Variants in LUZP2 observed in about 807,000 individuals in gnomAD.
The protein encoded by LUZP2 is leucine zipper protein 2.
A neutral mutation model predicts 51.6 loss-of-function variants in LUZP2; 52 were observed. That is an observed-to-expected ratio of 1.01 (90% CI 0.81 to 1.27). LUZP2 has a LOEUF of 1.27. LUZP2 is among the 50% of genes most tolerant of loss of function. The pLI, the probability that LUZP2 is intolerant of heterozygous loss-of-function variation, is 0.00. For synonymous variants in LUZP2, 154 were observed against 137.3 expected, an observed-to-expected ratio of 1.12 and a Z score of -0.85; for missense variants, 436 against 395.4, an observed-to-expected ratio of 1.10 and a Z score of -0.87.
At chr11:24,970,248 T>A (rs1292978558) in intron 7 of LUZP2, among the ~76,000 whole-genome samples, 2 of 152,160 alleles carry the variant, frequency 1.3e-5, no homozygotes, top group African/African-American at 2.4e-5. Context: ...CAGTGCTTTT[T>A]TTCTGCTGTT....
chr11:24,942,848 A>G (rs898331705), intron 7 of LUZP2, among the ~76,000 whole-genome samples: 1 of 152,168 alleles, frequency 6.6e-6, no homozygotes, highest in East Asian at 1.9e-4. Context: ...TGTTTCATAT[A>G]TGTAGGCTAT....
intron 7 of LUZP2, among the ~76,000 whole-genome samples, chr11:24,944,811 G>A (rs1222666851): frequency 6.6e-6 from 1 of 152,160 alleles, no homozygotes; most frequent in Non-Finnish European, 1.5e-5. Flanking sequence ...TGTAGTCAGA[G>A]CTGAAAGACA....
chr11:24,521,714 G>C (rs1850649038), intron 1 of LUZP2, among the ~76,000 whole-genome samples: 1 of 152,076 alleles, frequency 6.6e-6, no homozygotes, highest in Non-Finnish European at 1.5e-5. Flanking sequence ...AGATCACAGT[G>C]AACGGGCAGC....
intron 1 of LUZP2, among the ~76,000 whole-genome samples, chr11:24,600,452 G>A (rs1035097579): frequency 6.6e-5 from 10 of 152,080 alleles, no homozygotes; most frequent in African/African-American, 2.4e-4. Context: ...TTATTATGAA[G>A]CAATAGGAAA....
intron 5 of LUZP2, among the ~76,000 whole-genome samples, chr11:24,859,675 G>A (rs1851676330): frequency 1.3e-5 from 2 of 152,220 alleles, no homozygotes; most frequent in Non-Finnish European, 2.9e-5. Context: ...TGGACTAGAA[G>A]GCTGGCATGA....
intron 1 of LUZP2, among the ~76,000 whole-genome samples, chr11:24,657,126 A>G (rs1223702075): frequency 6.6e-6 from 1 of 152,144 alleles, no homozygotes; most frequent in Non-Finnish European, 1.5e-5. Context: ...AGAAAAAAAC[A>G]AGAATAAAAG....
At chr11:24,792,271 A>G (rs1849429771) in intron 5 of LUZP2, among the ~76,000 whole-genome samples, 1 of 151,900 alleles carries the variant, frequency 6.6e-6, no homozygotes, top group Non-Finnish European at 1.5e-5. Flanking sequence ...ACTAAAATAC[A>G]AAAAAATTAG....
chr11:24,957,511 G>C (rs1017701787), intron 7 of LUZP2, among the ~76,000 whole-genome samples: 8 of 151,394 alleles, frequency 5.3e-5, no homozygotes, highest in African/African-American at 1.2e-4. Context: ...CCATCCCCTC[G>C]ATGCTTCCCA....
chr11:24,951,347 T>C (rs1018615957), intron 7 of LUZP2, among the ~76,000 whole-genome samples: 4 of 151,618 alleles, frequency 2.6e-5, no homozygotes, highest in African/African-American at 9.7e-5. Context: ...ATATGATAAG[T>C]ATTATTCCTA....
intron 1 of LUZP2, among the ~76,000 whole-genome samples, chr11:24,691,811 T>G (rs568085414): frequency 3.9e-5 from 6 of 151,998 alleles, no homozygotes; most frequent in African/African-American, 1.4e-4. Context: ...ACTCTATGGG[T>G]GGCAACCTGT....
At chr11:24,835,758 G>C (rs1004655116) in intron 5 of LUZP2, among the ~76,000 whole-genome samples, 2 of 151,940 alleles carry the variant, frequency 1.3e-5, no homozygotes, top group Non-Finnish European at 1.5e-5. Flanking sequence ...AAGAAATTTG[G>C]TATTAGCAAT....
intron 5 of LUZP2, among the ~76,000 whole-genome samples, chr11:24,777,665 T>A (rs1264116099): frequency 6.6e-6 from 1 of 152,174 alleles, no homozygotes; most frequent in Admixed American, 6.5e-5. Flanking sequence ...TTGTACAACT[T>A]ATAGTCTTAT....
intron 1 of LUZP2, among the ~76,000 whole-genome samples, chr11:24,650,131 AGTG>A (rs1171351518): frequency 6.6e-6 from 1 of 151,972 alleles, no homozygotes; most frequent in African/African-American, 2.4e-5. Context: ...CCTAAATTGT[AGTG>A]GTGTAGATGT....
intron 7 of LUZP2, among the ~76,000 whole-genome samples, chr11:24,926,099 A>G (rs1854219676): frequency 6.6e-6 from 1 of 151,486 alleles, no homozygotes; most frequent in African/African-American, 2.4e-5. Context: ...TGAGTATCCC[A>G]TGGTGTGTGT....
chr11:24,886,168 T>C (rs1041068438), intron 5 of LUZP2, among the ~76,000 whole-genome samples: 2 of 152,202 alleles, frequency 1.3e-5, no homozygotes, highest in Non-Finnish European at 2.9e-5. Flanking sequence ...CATAATTTAT[T>C]TAAACAAAGG....
chr11:24,631,295 C>T (rs1049800725), intron 1 of LUZP2, among the ~76,000 whole-genome samples: 8 of 151,652 alleles, frequency 5.3e-5, no homozygotes, highest in Non-Finnish European at 7.4e-5. Flanking sequence ...CAGCTTTTCT[C>T]CACTTACTAT....
intron 7 of LUZP2, among the ~76,000 whole-genome samples, chr11:24,948,775 G>C (rs1281386354): frequency 6.6e-6 from 1 of 151,538 alleles, no homozygotes; most frequent in East Asian, 1.9e-4. Context: ...GACTCTTGGA[G>C]AATGAAGTAG....
chr11:24,796,442 TA>T (rs1849546541), intron 5 of LUZP2, among the ~76,000 whole-genome samples: 1 of 149,152 alleles, frequency 6.7e-6, no homozygotes, highest in South Asian at 2.1e-4. Context: ...AGGTTGCCCA[TA>T]AAAAAGTCAT....
At chr11:24,840,668 C>G (rs1172458888) in intron 5 of LUZP2, among the ~76,000 whole-genome samples, 1 of 151,890 alleles carries the variant, frequency 6.6e-6, no homozygotes, top group African/African-American at 2.4e-5. Flanking sequence ...TTAAGATCCA[C>G]AAGTGATTCA....
Sources: allele counts gnomAD v4.1 joint callset (sites outside exome capture counted in the v4.1 genomes callset), GRCh38; gene constraint gnomAD v4.1.1; transcripts MANE v1.5; gene names NCBI Gene and HGNC (gene_info 2026-07-23, HGNC 2026-07-21).